RFC2: variants seen among roughly 807,000 people sequenced by gnomAD.
RFC2 encodes the protein replication factor C subunit 2, also known as A1 40 kDa subunit.
RFC2 carries 34 observed loss-of-function variants against 44.8 expected under a neutral mutation model. The ratio of observed to expected loss-of-function variants is 0.76; its 90% CI spans 0.58 to 1.01. The LOEUF is 1.01. Among genes scored for constraint, RFC2 ranks in the 50% least tolerant of loss-of-function variants. RFC2 has a pLI of 0.00. For missense variants in RFC2, 400 were observed against 453.6 expected (o/e 0.88, Z 1.07); for synonymous variants, 177 against 168.9 (o/e 1.05, Z -0.37).
chr7:74,233,965 G>A (rs56385633), intron 10 of RFC2: 5 of 450,542 alleles, frequency 1.1e-5, no homozygotes, highest in Non-Finnish European at 1.8e-5. Flanking sequence ...TTGGGAAAAA[G>A]AAAAACTTAA....
chr7:74,239,873 C>T (rs1554718957), intron 7 of RFC2, 65 bp downstream of exon 7: 3 of 1,444,464 alleles, frequency 2.1e-6, no homozygotes, highest in East Asian at 2.5e-5. Flanking sequence ...CTTCCCTCCC[C>T]TTCCCCATGG....
In RFC2 at chr7:74,232,021, A is replaced by C; in HGVS notation, c.*85T>G. ...AGGACAGTCATGTTGGCTCCAGCCT[A>C]AGGCGGCATTTTCCCCCATCAGAAA... On this transcript the variant is annotated 3_prime_UTR_variant, in exon 11 of 11. Coordinates refer to ENST00000055077, the MANE Select transcript of RFC2 (RefSeq NM_181471.3). 1 of 812,316 alleles carries C rather than the reference A, an allele frequency of 1.2e-6. No homozygotes were observed. The highest frequency in any genetic ancestry group is 2.1e-6 in the Non-Finnish European group (1 of 472,002). The allele number at this position is 812,316 out of a possible 1,614,324, so 50.3% of individuals were successfully genotyped here.
In RFC2 at chr7:74,238,192, T is replaced by TGG. The variant is rs1191134903; in HGVS notation, c.759+730_759+731insCC. On this transcript the variant is annotated intron_variant, in intron 8 of 10. Transcript: ENST00000055077. The surrounding 1 kb of genome is among the most constrained non-coding windows in gnomAD (Gnocchi z 4.0). ...CTCGAAAATGCATTCACTGCCCAGA[T>TGG]CTACCCAGATGCTTCAAAAATCGCT... Among the ~76,000 whole-genome samples the TGG allele has an allele frequency of 1.3e-5, 2 of 152,032 alleles. No homozygotes were observed. The highest frequency in any genetic ancestry group is 6.6e-5 in the Admixed American group (1 of 15,246).
chr7:74,249,075 G>C lies in RFC2; in HGVS notation c.269C>G (p.Ala90Gly). Residue 90 changes from alanine to glycine, a missense_variant, in exon 4 of 11, where the codon GCC becomes GGC. Transcript: ENST00000055077. ...GAGTGCTGGGCCCAGCAGGGCCCGGGCCAAGCACAGAATGCTTGTGGTCTT... is the reference window on the plus strand; with the variant it reads ...GAGTGCTGGGCCCAGCAGGGCCCGGCCCAAGCACAGAATGCTTGTGGTCTT... ...TGKTTSILCL[A>G]RALLGPALKD... 6.2e-7 allele frequency: 1 copy of C among 1,614,028 alleles called. No individual in the cohort carries two copies. Among genetic ancestry groups the C allele is most frequent in the South Asian group, 1.1e-5 (1 of 91,078 alleles).
Position 74,246,711 on chromosome 7 carries a change from T to C in RFC2, c.385A>G (p.Thr129Ala). ...KIKMFAQQKV[T>A]LPKGRHKIII... is the part of the protein sequence containing the mutation. ...ATCTTATGTCGGCCTTTGGGAAGAG[T>C]GACTTTTTGTTGAGCAAACATTTTA... Residue 129 changes from threonine (T) to alanine (A), a missense_variant, in exon 5 of 11, where the codon ACT (threonine) becomes GCT (alanine). Coordinates refer to ENST00000055077, the MANE Select transcript of RFC2 (RefSeq NM_181471.3). 1.9e-6 allele frequency: 3 copies of C among 1,613,394 alleles called. No individual in the cohort carries two copies. The highest frequency in any genetic ancestry group is 2.5e-6 in the Non-Finnish European group (3 of 1,179,626).
rs1802894757 is a variant in RFC2, at chr7:74,234,460, C to A, written c.954+1072G>T. Among the ~76,000 whole-genome samples, 3 of 151,970 alleles carry A rather than the reference C, an allele frequency of 2.0e-5. No homozygotes were observed. In the South Asian group the frequency reaches 6.2e-4, roughly 32 times the overall value. ...TAAATTAAACCTCAATTAATCTAAC[C>A]TTGAAAAATCAATCAATCAGTCAAT... is the stretch of plus-strand genomic sequence containing the variant. On this transcript the variant is annotated intron_variant, in intron 10 of 10. Transcript: ENST00000055077.
rs557688694 is a variant in RFC2 at position 74,234,397 on chromosome 7, G to A, written c.954+1135C>T. Among the ~76,000 whole-genome samples the A allele has an allele frequency of 1.6e-4, 24 of 152,180 alleles. No individual in the cohort carries two copies. The South Asian group carries it at 1.7e-3, about 11-fold the overall frequency. On this transcript the variant is annotated intron_variant, in intron 10 of 10. Transcript: ENST00000055077. ...TGATAGTGTTTGCATGACTGAGTGC[G>A]TTTGTCCTGTACCTAACAGGCTGAA...
chr7:74,241,761 A>C (rs1200127344), intron 6 of RFC2, among the ~76,000 whole-genome samples: 1 of 152,190 alleles, frequency 6.6e-6, no homozygotes, highest in African/African-American at 2.4e-5. Flanking sequence ...GGCGTTCTAG[A>C]CCAGCCTGGG....
chr7:74,249,012 C>A lies in RFC2; in HGVS notation c.332G>T (p.Arg111Met). 6.2e-7 allele frequency: 1 copy of A among 1,610,268 alleles called. No homozygotes were observed. Among genetic ancestry groups the A allele is most frequent in the Non-Finnish European group, 8.5e-7 (1 of 1,176,862 alleles). ...CTACAGGTCTGACTCTAAGACCTAC[C>A]TGTCATTTGAAGCATTGAGTTCCAA... is the stretch of plus-strand genomic sequence containing the variant. ...AMLELNASND[R>M]GIDVVRNKIK... Residue 111 changes from arginine to methionine, a missense_variant and splice_region_variant, in exon 4 of 11, where the codon AGG (arginine) becomes ATG (methionine). Physicochemically the swap from Arg to Met is moderately conservative, Grantham distance 91. Coordinates refer to ENST00000055077, the MANE Select transcript of RFC2 (RefSeq NM_181471.3).
intron 6 of RFC2, 84 bp downstream of exon 6, chr7:74,243,062 C>T (rs763003372): frequency 3.4e-6 from 3 of 879,610 alleles, no homozygotes; most frequent in South Asian, 1.4e-5. Context: ...CCAGCCTGAG[C>T]GAAGAGGGAG....
intron 10 of RFC2, among the ~76,000 whole-genome samples, chr7:74,234,722 T>A (rs1802910901): frequency 6.6e-6 from 1 of 152,004 alleles, no homozygotes; most frequent in Non-Finnish European, 1.5e-5. Flanking sequence ...AGCTGGCTGT[T>A]CAAATGAGCC....
intron 2 of RFC2, among the ~76,000 whole-genome samples, chr7:74,250,162 A>C (rs377631238): frequency 6.6e-5 from 10 of 152,006 alleles, no homozygotes; most frequent in East Asian, 3.9e-4. Context: ...AAAACAAAAA[A>C]AAAAAAACAC....
Position 74,254,299 on chromosome 7 carries a change from C to A in RFC2, c.85G>T (p.Gly29Cys), listed in dbSNP as rs781833105. The change falls in exon 1 of 11, where the codon GGC becomes TGC. Residue 29 changes from glycine (G) to cysteine (C), a missense_variant. Transcript: ENST00000055077. ...GGCAGTTCGTAGTGGCCGGCGCTGC[C>A]GGGGGCCTTGCTGAAGGCAGGGGCA... is the stretch of plus-strand genomic sequence containing the variant. ...DPAPAFSKAP[G>C]SAGHYELPWV... 1.3e-5 allele frequency: 21 copies of A among 1,612,766 alleles called. No individual in the cohort carries two copies. In the South Asian group the frequency reaches 2.2e-4, roughly 17 times the overall value.
chr7:74,248,981 GC>G (rs781903198), intron 4 of RFC2, 30 bp downstream of exon 4: 5 of 1,468,702 alleles, frequency 3.4e-6, no homozygotes, highest in South Asian at 2.3e-5. Context: ...CAGAGCACCC[GC>G]CCCCCTACAG....
chr7:74,251,819 C>T (rs1213142825), intron 2 of RFC2, among the ~76,000 whole-genome samples: 3 of 135,306 alleles, frequency 2.2e-5, no homozygotes, highest in Admixed American at 7.6e-5. Flanking sequence ...AAAAAAAGGC[C>T]GGGCGCGGTG....
At chr7:74,245,740 G>T (rs1160629146) in intron 5 of RFC2, among the ~76,000 whole-genome samples, 2 of 147,574 alleles carry the variant, frequency 1.4e-5, no homozygotes, top group Non-Finnish European at 3.0e-5. Context: ...AAAATTTATG[G>T]TTAATTATGT....
chr7:74,252,560 C>T (rs554797179), intron 1 of RFC2, 62 bp from the exon 2 acceptor site: 39 of 940,052 alleles, frequency 4.1e-5, no homozygotes, highest in Non-Finnish European at 6.5e-5. Context: ...ACAAAAAGCA[C>T]CTAAGGGTTA....
intron 5 of RFC2, among the ~76,000 whole-genome samples, chr7:74,246,210 T>C (rs1554719970): frequency 7.0e-6 from 1 of 143,858 alleles, no homozygotes; most frequent in Non-Finnish European, 1.5e-5. Context: ...AAAAAATAAA[T>C]AAATAAATAC....
chr7:74,243,151 A>C lies in RFC2; in HGVS notation c.530T>G (p.Ile177Ser). The C allele has an allele frequency of 6.2e-7, 1 of 1,610,444 alleles. No homozygotes were observed. Among genetic ancestry groups the C allele is most frequent in the Non-Finnish European group, 8.5e-7 (1 of 1,176,708 alleles). The change falls in exon 6 of 11, where the codon ATC (isoleucine) becomes AGC (serine). Residue 177 changes from isoleucine (I) to serine (S), a missense_variant. Coordinates refer to ENST00000055077, the MANE Select transcript of RFC2 (RefSeq NM_181471.3). ...CACCGAAAGCTCCCACTCACCGATGATCTTATCCGAAGCATTACAAGCAAG... is the reference window on the plus strand; with the variant it reads ...CACCGAAAGCTCCCACTCACCGATGCTCTTATCCGAAGCATTACAAGCAAG... The part of the protein sequence containing the change: ...FALACNASDK[I>S]IEPIQSRCAV...
Sources: gnomAD v4.1 joint callset for allele counts (sites outside exome capture counted in the v4.1 genomes callset) on GRCh38, gnomAD v4.1.1 for gene constraint, Gnocchi (gnomAD v3.1) non-coding constraint, MANE v1.5 for transcripts, NCBI Gene and HGNC (gene_info 2026-07-23, HGNC 2026-07-21) for gene names.